RGS7: variants seen among roughly 807,000 people sequenced by gnomAD.
RGS7 encodes regulator of G protein signaling 7, also known as regulator of G-protein signaling 7.
RGS7 carries 27 observed loss-of-function variants against 81.1 expected under a neutral mutation model. The observed-to-expected ratio is 0.33, with a 90% confidence interval of 0.25 to 0.46. The LOEUF (loss-of-function observed/expected upper bound fraction) is 0.46. Ranked by LOEUF, RGS7 falls within the 20% of genes least tolerant of loss-of-function variation. The probability of loss-of-function intolerance (pLI) is 1.00; values close to 1 mark genes in which losing one functional copy is unlikely to be tolerated. For missense variants in RGS7, 396 were observed against 607.4 expected (o/e 0.65, Z 3.66); for synonymous variants, 208 against 207.7 (o/e 1.00, Z -0.01).
At position 241,246,137 on chromosome 1, in the gene RGS7, G is replaced by T. The variant is rs1348846305; in HGVS notation, c.78+109562C>A. On this transcript the variant is annotated intron_variant, in intron 2 of 18. Transcript: ENST00000440928. ...ATAAATAAAAAACCGAAACGTGTGT[G>T]TGTCTGTGATGATGGGGTGTGGATG... Among the ~76,000 whole-genome samples, 3 of 152,132 alleles carry T rather than the reference G, an allele frequency of 2.0e-5. No homozygotes were observed. The East Asian group carries it at 5.8e-4, about 29-fold the overall frequency.
chr1:240,793,611 A>ATATATATATATATTT, intron 18 of RGS7, among the ~76,000 whole-genome samples: 2 of 78,810 alleles, frequency 2.5e-5, no homozygotes, highest in Admixed American at 1.5e-4. Flanking sequence ...ATATATATAT[A>ATATATATATATATTT]TTTTTTTTTT....
Position 240,823,231 on chromosome 1 carries a change from G to A in RGS7, c.684+3867C>T, listed in dbSNP as rs1021637897. 19 of 755,800 alleles carry A rather than the reference G, an allele frequency of 2.5e-5. No individual in the cohort carries two copies. The Admixed American group carries it at 3.1e-4, about 12-fold the overall frequency. 46.8% of individuals were successfully genotyped at this position (755,800 alleles called of 1,614,324 possible). ...CTTCTTCGTATTCTTGTGGTAGAGG[G>A]TCCATCCTATGCTCACCACCACCTA... On this transcript the variant is annotated intron_variant, in intron 10 of 18. Transcript: ENST00000440928.
At chr1:240,784,237 T>C (rs1572061986) in intron 18 of RGS7, among the ~76,000 whole-genome samples, 1 of 151,980 alleles carries the variant, frequency 6.6e-6, no homozygotes, top group Non-Finnish European at 1.5e-5. Context: ...AGTAGTCTTT[T>C]CTAGTATACA....
rs190510833 is a variant in RGS7, at chr1:240,953,961, A to T, written c.227-17255T>A. ...TAGAATTAAAAGATAATAAAGGAAC[A>T]CTATGAGCAATACTATGCCCACAAA... On this transcript the variant is annotated intron_variant, in intron 4 of 18. Transcript: ENST00000440928. Among the ~76,000 whole-genome samples the T allele has an allele frequency of 1.2e-4, 18 of 152,166 alleles. 1 individual carries two copies. In the East Asian group the frequency reaches 2.9e-3, roughly 24 times the overall value.
intron 2 of RGS7, among the ~76,000 whole-genome samples, chr1:241,117,537 G>A (rs564775118): frequency 6.6e-6 from 1 of 152,308 alleles, no homozygotes; most frequent in Non-Finnish European, 1.5e-5. Context: ...AGGGATCTTT[G>A]ATTTGTGCTT....
At chr1:241,085,188 CA>C (rs1403827109) in intron 3 of RGS7, among the ~76,000 whole-genome samples, 2 of 152,124 alleles carry the variant, frequency 1.3e-5, no homozygotes, top group Non-Finnish European at 2.9e-5. Flanking sequence ...GGAATTCATC[CA>C]ATAGGGAAAG....
intron 2 of RGS7, among the ~76,000 whole-genome samples, chr1:241,120,410 C>A (rs573766796): frequency 6.6e-6 from 1 of 152,054 alleles, no homozygotes; most frequent in African/African-American, 2.4e-5. Context: ...TGCAGTGGCA[C>A]TATCACAGTT....
At chr1:240,786,782 T>C (rs1280602763) in intron 18 of RGS7, among the ~76,000 whole-genome samples, 8 of 152,224 alleles carry the variant, frequency 5.3e-5, no homozygotes. Context: ...TGCTTTAAAA[T>C]ATAATTTTTA....
rs376776355 is a variant in RGS7 at position 241,126,376 on chromosome 1, C to T, written c.79-27614G>A. ...GTTGGTTAGGCTGGTCTCGAACTCC[C>T]GACCTCAGGTGATCCGCCCGCCTTG... On this transcript the variant is annotated intron_variant, in intron 2 of 18. Transcript: ENST00000440928. Among the ~76,000 whole-genome samples the T allele has an allele frequency of 6.6e-5, 10 of 151,970 alleles. No homozygotes were observed. In the East Asian group the frequency reaches 1.4e-3, roughly 21 times the overall value.
intron 2 of RGS7, among the ~76,000 whole-genome samples, chr1:241,309,311 G>A (rs375128679): frequency 3.3e-5 from 5 of 150,044 alleles, no homozygotes; most frequent in African/African-American, 7.4e-5. Flanking sequence ...GCTTGAACCC[G>A]GGAGGCAGAG....
At chr1:240,928,604 ATTTTT>A (rs769378768) in intron 6 of RGS7, among the ~76,000 whole-genome samples, 2 of 134,928 alleles carry the variant, frequency 1.5e-5, no homozygotes, top group Non-Finnish European at 3.2e-5. Context: ...TTTCTTTATA[ATTTTT>A]TTTTTTTTTT....
At chr1:240,855,141 T>C (rs1353453880) in intron 9 of RGS7, among the ~76,000 whole-genome samples, 1 of 152,036 alleles carries the variant, frequency 6.6e-6, no homozygotes. Flanking sequence ...TAGGTATCTA[T>C]TTTTATAAAC....
intron 3 of RGS7, among the ~76,000 whole-genome samples, chr1:241,012,946 T>C (rs2059034473): frequency 6.6e-6 from 1 of 151,992 alleles, no homozygotes; most frequent in Non-Finnish European, 1.5e-5. Context: ...AATGCATTCC[T>C]CTCTCACTCT....
chr1:241,152,292 G>A (rs1174968810), intron 2 of RGS7, among the ~76,000 whole-genome samples: 1 of 152,098 alleles, frequency 6.6e-6, no homozygotes, highest in Admixed American at 6.6e-5. Flanking sequence ...AAAAATATGT[G>A]TAAAACACCA....
intron 18 of RGS7, among the ~76,000 whole-genome samples, chr1:240,784,878 C>G (rs890831555): frequency 1.3e-5 from 2 of 151,782 alleles, no homozygotes; most frequent in Admixed American, 1.3e-4. Context: ...TTATGTGATC[C>G]AACTGTCTCA....
chr1:241,346,914 A>C (rs1035729497), intron 2 of RGS7, among the ~76,000 whole-genome samples: 2 of 152,190 alleles, frequency 1.3e-5, no homozygotes, highest in African/African-American at 4.8e-5. Context: ...TTCAAAGAGA[A>C]AAAACATTGT....
chr1:241,157,816 CTTTTCTTTTTTT>C (rs141762448), intron 2 of RGS7, among the ~76,000 whole-genome samples: 28,352 of 121,890 alleles, frequency 0.23, 2,764 homozygotes, highest in African/African-American at 0.33. Context: ...CTTTTCTTTT[CTTTTCTTTTTTT>C]TTTTTTTTGA....
At chr1:241,018,292 C>A (rs2059370385) in intron 3 of RGS7, among the ~76,000 whole-genome samples, 1 of 151,898 alleles carries the variant, frequency 6.6e-6, no homozygotes, top group Non-Finnish European at 1.5e-5. Flanking sequence ...CTCGCCTTGT[C>A]TCTTTAGACT....
chr1:241,325,060 A>T (rs1052811926), intron 2 of RGS7, among the ~76,000 whole-genome samples: 2 of 152,348 alleles, frequency 1.3e-5, no homozygotes, highest in East Asian at 1.9e-4. Context: ...TTGTTGGTAA[A>T]CACATTTGAA....
Sources: gnomAD v4.1 joint callset for allele counts (sites outside exome capture counted in the v4.1 genomes callset) on GRCh38, gnomAD v4.1.1 for gene constraint, MANE v1.5 for transcripts, NCBI Gene and HGNC (gene_info 2026-07-23, HGNC 2026-07-21) for gene names.